Variants in FRMD4A observed in about 807,000 individuals in gnomAD.
FRMD4A encodes FERM domain containing 4A, also known as FERM domain-containing protein 4A.
In FRMD4A, 29 loss-of-function variants were observed where a neutral mutation model predicts 129.1. The observed-to-expected ratio is 0.22, with a 90% CI of 0.17 to 0.31. The LOEUF is 0.31. Among genes scored for constraint, FRMD4A ranks in the 10% least tolerant of loss-of-function variants. FRMD4A has a pLI of 1.00. For synonymous variants in FRMD4A, 634 were observed against 571.6 expected, an observed-to-expected ratio of 1.11 and a Z score of -1.56; for missense variants, 1,272 against 1,375.8, an observed-to-expected ratio of 0.92 and a Z score of 1.19.
At chr10:14,249,832 G>A (rs1226030681) in intron 2 of FRMD4A, among the ~76,000 whole-genome samples, 2 of 152,116 alleles carry the variant, frequency 1.3e-5, no homozygotes, top group Admixed American at 6.5e-5. Context: ...GAGAGGTTGC[G>A]TAAAATAATT....
rs572490091 is a variant in FRMD4A at position 14,268,505 on chromosome 10, C to T, written c.45+61553G>A. 2.6e-5 allele frequency among the ~76,000 whole-genome samples: 4 copies of T among 152,272 alleles called. No homozygotes were observed. In the South Asian group the frequency reaches 6.2e-4, roughly 24 times the overall value. ...AATGTAATATATTGTAAGACTCCCT[C>T]GATTTATTTATTTTTTCATTCATCT... On this transcript the variant is annotated intron_variant, in intron 2 of 24. Coordinates refer to ENST00000357447, the MANE Select transcript of FRMD4A (RefSeq NM_018027.5).
chr10:13,964,758 GCCTCCCTGCAACCTCCA>G (rs1413073058), intron 2 of FRMD4A, among the ~76,000 whole-genome samples: 1 of 148,312 alleles, frequency 6.7e-6, no homozygotes, highest in Admixed American at 6.9e-5. Flanking sequence ...TGCAACCTCT[GCCTCCCTGCAACCTCCA>G]CCTCCTGGGT....
At chr10:13,994,954 T>A (rs1401931305) in intron 2 of FRMD4A, among the ~76,000 whole-genome samples, 1 of 152,176 alleles carries the variant, frequency 6.6e-6, no homozygotes, top group South Asian at 2.1e-4. Context: ...TTGTATTTTC[T>A]CAGGTGACTA....
chr10:13,864,338 CAAAAAA>C (rs149602938), intron 2 of FRMD4A, among the ~76,000 whole-genome samples: 7 of 114,692 alleles, frequency 6.1e-5, no homozygotes, highest in Non-Finnish European at 1.1e-4. Flanking sequence ...CATCTTGAGT[CAAAAAA>C]AAAAAAAAAA....
In FRMD4A at chr10:14,206,049, G is replaced by A. The variant is rs73601222; in HGVS notation, c.45+124009C>T. On this transcript the variant is annotated intron_variant, in intron 2 of 24. Coordinates refer to ENST00000357447, the MANE Select transcript of FRMD4A (RefSeq NM_018027.5). ...GCTGGCTCTCTGCTAGTTTTCCCAT[G>A]GGCCAGCCCCCTTGTCAGTGACCAG... 4.9e-3 allele frequency among the ~76,000 whole-genome samples: 748 copies of A among 152,254 alleles called. 9 individuals carry two copies. The highest frequency in any genetic ancestry group is 0.016 in the African/African-American group (646 of 41,550).
At chr10:13,843,339 G>A (rs1394703813) in intron 3 of FRMD4A, among the ~76,000 whole-genome samples, 1 of 152,150 alleles carries the variant, frequency 6.6e-6, no homozygotes, top group Non-Finnish European at 1.5e-5. Context: ...CAGTCACCTT[G>A]ATTCTGCTCC....
chr10:13,963,970 G>A (rs2095465204), intron 2 of FRMD4A, among the ~76,000 whole-genome samples: 1 of 151,796 alleles, frequency 6.6e-6, no homozygotes, highest in African/African-American at 2.4e-5. Flanking sequence ...AAGCAGCAGT[G>A]ATGGGTGAAC....
rs570711853 is a variant in FRMD4A at position 14,227,752 on chromosome 10, C to A, written c.45+102306G>T. On this transcript the variant is annotated intron_variant, in intron 2 of 24. Coordinates refer to ENST00000357447, the MANE Select transcript of FRMD4A (RefSeq NM_018027.5). ...GATGCATGAGATGCTATTGGTCACA[C>A]AGTCGCATCTCTAGACCCCAGAACA... Among the ~76,000 whole-genome samples the A allele has an allele frequency of 3.4e-4, 52 of 152,196 alleles. 1 individual carries two copies. Among genetic ancestry groups the A allele is most frequent in the Non-Finnish European group, 7.1e-4 (48 of 68,036 alleles).
intron 2 of FRMD4A, among the ~76,000 whole-genome samples, chr10:14,062,219 G>A (rs577571200): frequency 3.1e-4 from 47 of 152,304 alleles, no homozygotes; most frequent in African/African-American, 1.1e-3. Context: ...ATGTGATATG[G>A]ATTAATATTT....
At chr10:13,846,475 C>CCATGTGCT (rs1353285391) in intron 3 of FRMD4A, among the ~76,000 whole-genome samples, 3 of 152,194 alleles carry the variant, frequency 2.0e-5, no homozygotes, top group Non-Finnish European at 4.4e-5. Context: ...CAGACCTTCT[C>CCATGTGCT]CATGTGCTGA....
intron 2 of FRMD4A, among the ~76,000 whole-genome samples, chr10:14,245,315 G>A (rs1844194070): frequency 6.6e-6 from 1 of 152,172 alleles, no homozygotes; most frequent in South Asian, 2.1e-4. Context: ...GGTATGGGCA[G>A]GTTATTTGTC....
intron 2 of FRMD4A, among the ~76,000 whole-genome samples, chr10:14,260,496 A>T (rs1844764205): frequency 1.3e-5 from 2 of 152,246 alleles, no homozygotes; most frequent in South Asian, 4.1e-4. Flanking sequence ...AAGGCATATA[A>T]GTCATCCTAC....
intron 3 of FRMD4A, among the ~76,000 whole-genome samples, chr10:13,852,176 C>T (rs1188958898): frequency 1.3e-5 from 2 of 152,004 alleles, no homozygotes; most frequent in African/African-American, 2.4e-5. Flanking sequence ...AGGTTTGGGC[C>T]TACTGCTCTA....
chr10:13,815,672 G>A (rs2093530889), intron 3 of FRMD4A, among the ~76,000 whole-genome samples: 1 of 152,198 alleles, frequency 6.6e-6, no homozygotes, highest in African/African-American at 2.4e-5. Flanking sequence ...TGCTTCCAGG[G>A]TGAGAGCCTA....
At chr10:14,228,214 T>C (rs562518781) in intron 2 of FRMD4A, among the ~76,000 whole-genome samples, 6 of 152,342 alleles carry the variant, frequency 3.9e-5, no homozygotes, top group Admixed American at 3.9e-4. Context: ...ATGTTGATAG[T>C]TGGAAGACTT....
At chr10:14,015,567 G>T (rs1200452316) in intron 2 of FRMD4A, among the ~76,000 whole-genome samples, 1 of 152,064 alleles carries the variant, frequency 6.6e-6, no homozygotes, top group Non-Finnish European at 1.5e-5. Context: ...CCTTGCTGTG[G>T]GAGAGGGTGT....
chr10:14,298,539 G>A (rs796724401), intron 2 of FRMD4A, among the ~76,000 whole-genome samples: 6 of 152,284 alleles, frequency 3.9e-5, no homozygotes, highest in African/African-American at 1.4e-4. Flanking sequence ...GCTTCTGTGT[G>A]TTTTCTAGAG....
intron 2 of FRMD4A, among the ~76,000 whole-genome samples, chr10:14,298,865 C>T (rs1846094314): frequency 6.6e-6 from 1 of 152,150 alleles, no homozygotes; most frequent in Non-Finnish European, 1.5e-5. Flanking sequence ...AGGGAATAAT[C>T]TTGGGAGGGG....
In FRMD4A at chr10:14,205,825, A is replaced by AC. The variant is rs1391114631; in HGVS notation, c.45+124232_45+124233insG. ...CTGTCTCAAAAAAAAAAAAAAAAAA[A>AC]AAAAGGGAATTATGTTTACTCTTGC... On this transcript the variant is annotated intron_variant, in intron 2 of 24. Coordinates refer to ENST00000357447, the MANE Select transcript of FRMD4A (RefSeq NM_018027.5). Among the ~76,000 whole-genome samples the AC allele has an allele frequency of 1.3e-4, 20 of 151,862 alleles. No individual in the cohort carries two copies. In the South Asian group the frequency reaches 4.2e-3, roughly 32 times the overall value.
Sources: gnomAD v4.1 joint callset for allele counts (sites outside exome capture counted in the v4.1 genomes callset) on GRCh38, gnomAD v4.1.1 for gene constraint, MANE v1.5 for transcripts, NCBI Gene and HGNC (gene_info 2026-07-23, HGNC 2026-07-21) for gene names.